LRP2: variants seen among roughly 807,000 people sequenced by gnomAD.
LRP2 encodes the protein LDL receptor related protein 2.
LRP2 carries 172 observed loss-of-function variants against 531.0 expected under a neutral mutation model. The observed-to-expected ratio is 0.32, with a 90% CI of 0.29 to 0.37. LRP2 has a LOEUF of 0.37. Ranked by LOEUF, LRP2 falls within the 10% of genes least tolerant of loss-of-function variation. The pLI is 1.00. For synonymous variants in LRP2, 1,992 were observed against 2,027.6 expected, an observed-to-expected ratio of 0.98 and a Z score of 0.47; for missense variants, 5,167 against 5,868.3, an observed-to-expected ratio of 0.88 and a Z score of 3.90.
chr2:169,261,789 C>T (rs887489095), intron 16 of LRP2, among the ~76,000 whole-genome samples: 1 of 152,014 alleles, frequency 6.6e-6, no homozygotes, highest in East Asian at 1.9e-4. Context: ...GAGACACAAC[C>T]AAAACAGAGC....
At chr2:169,294,010 T>C (rs1399384940) in intron 6 of LRP2, 138 bp downstream of exon 6, 1 of 706,678 alleles carries the variant, frequency 1.4e-6, no homozygotes, top group African/African-American at 1.8e-5. Context: ...TCTGATTCCA[T>C]CTGCCATCAA....
rs1335160686 is a variant in LRP2, at chr2:169,198,903, T to C, written c.8461A>G (p.Thr2821Ala). The change falls in exon 45 of 79, where the codon ACT becomes GCT. Residue 2821 changes from threonine (T) to alanine (A), a missense_variant. Transcript: ENST00000649046. ...TSDEKNCPDR[T>A]CQSGYTKCHN... ...CATTTTGTGTATCCAGACTGGCAAG[T>C]GCGATCAGCTTGAAAAAGACAACCA... 6.2e-7 allele frequency: 1 copy of C among 1,613,528 alleles called. No homozygotes were observed. The highest frequency in any genetic ancestry group is 1.1e-5 in the South Asian group (1 of 91,058).
Position 169,290,922 on chromosome 2 carries a change from A to G in LRP2, c.845T>C (p.Ile282Thr), listed in dbSNP as rs759395987. ...SCPESGRCIS[I>T]YKVCDGILDC... ...TAAAATCCCATCACAAACTTTATAA[A>G]TGGAGATGCATCGTCCCGACTCTGG... Residue 282 changes from isoleucine to threonine, a missense_variant, in exon 8 of 79, where the codon ATT becomes ACT. This residue lies in a region of LRP2 where 2,811 missense variants were observed against 3,058.0 expected (regional missense o/e 0.92). Coordinates refer to ENST00000649046, the MANE Select transcript of LRP2 (RefSeq NM_004525.3). The G allele has an allele frequency of 6.2e-7, 1 of 1,614,078 alleles. No individual in the cohort carries two copies. The highest frequency in any genetic ancestry group is 8.5e-7 in the Non-Finnish European group (1 of 1,180,000).
At chr2:169,237,363 T>C (rs567869739) in intron 27 of LRP2, 76 bp from the exon 28 acceptor site, 2 of 1,187,310 alleles carry the variant, frequency 1.7e-6, no homozygotes, top group East Asian at 4.9e-5. Flanking sequence ...TATAAAAATC[T>C]AGATTAAACC....
At chr2:169,330,453 A>T (rs1685235156) in intron 1 of LRP2, among the ~76,000 whole-genome samples, 1 of 152,160 alleles carries the variant, frequency 6.6e-6, no homozygotes, top group Non-Finnish European at 1.5e-5. Context: ...TTTAAACACT[A>T]GTCACCTGTC....
At chr2:169,233,719 T>C (rs1689498565) in intron 29 of LRP2, 131 bp from the exon 30 acceptor site, 1 of 879,778 alleles carries the variant, frequency 1.1e-6, no homozygotes, top group Non-Finnish European at 1.9e-6. Flanking sequence ...CACAAGGAAG[T>C]CATTGTGCAA....
Position 169,138,636 on chromosome 2 carries a change from T to C in LRP2, c.13459A>G (p.Met4487Val), listed in dbSNP as rs541246483. 16 of 1,614,024 alleles carry C rather than the reference T, an allele frequency of 9.9e-6. No individual in the cohort carries two copies. Among genetic ancestry groups the C allele is most frequent in the South Asian group, 1.1e-5 (1 of 91,074 alleles). Reference sequence around the variant, plus strand: ...CCAAAACCAGACACTCCAATATCCATGTTAAGATCTGCCCCTGATCTGAAG... The same window carrying C: ...CCAAAACCAGACACTCCAATATCCACGTTAAGATCTGCCCCTGATCTGAAG... Reference protein sequence around the residue: ...VTFRSGADLNMDIGVSGFGPE... With the variant: ...VTFRSGADLNVDIGVSGFGPE... Residue 4487 changes from methionine to valine, a missense_variant, in exon 75 of 79, where the codon ATG becomes GTG. This residue lies in a region of LRP2 where 348 missense variants were observed against 369.3 expected (regional missense o/e 0.94). Transcript: ENST00000649046.
At chr2:169,248,314 A>G (rs1690095118) in intron 19 of LRP2, among the ~76,000 whole-genome samples, 1 of 152,194 alleles carries the variant, frequency 6.6e-6, no homozygotes, top group South Asian at 2.1e-4. Flanking sequence ...TAACTAGAAA[A>G]CCCTAATTAA....
chr2:169,153,753 G>C (rs889448423), intron 66 of LRP2, among the ~76,000 whole-genome samples: 1 of 152,158 alleles, frequency 6.6e-6, no homozygotes, highest in Non-Finnish European at 1.5e-5. Context: ...TAAGTTTACA[G>C]GCACAGAAGA....
intron 41 of LRP2, 147 bp downstream of exon 41, chr2:169,205,331 TA>T: frequency 1.2e-6 from 1 of 843,510 alleles, no homozygotes; most frequent in African/African-American, 1.7e-5. Flanking sequence ...AGTTCCAATA[TA>T]AACATAGTTC....
chr2:169,299,422 T>C (rs1421765315), intron 4 of LRP2, among the ~76,000 whole-genome samples: 1 of 151,904 alleles, frequency 6.6e-6, no homozygotes, highest in African/African-American at 2.4e-5. Context: ...CAACTAGAAA[T>C]GTGCCTGAGA....
chr2:169,164,293 G>A (rs930394290), intron 62 of LRP2, among the ~76,000 whole-genome samples: 12 of 152,222 alleles, frequency 7.9e-5, no homozygotes, highest in Non-Finnish European at 1.5e-4. Flanking sequence ...AACCACATCT[G>A]GAACTGATTG....
intron 13 of LRP2, among the ~76,000 whole-genome samples, chr2:169,276,957 G>A (rs1008784063): frequency 2.6e-5 from 4 of 152,018 alleles, no homozygotes; most frequent in African/African-American, 7.2e-5. Context: ...TACTTTGGGA[G>A]GCTGAGGCAG....
intron 1 of LRP2, among the ~76,000 whole-genome samples, chr2:169,325,270 A>C (rs1272083184): frequency 6.6e-6 from 1 of 152,184 alleles, no homozygotes; most frequent in Non-Finnish European, 1.5e-5. Context: ...CTCTTAACAC[A>C]TGCTGGTCCT....
At chr2:169,228,937 G>A (rs891718014) in intron 31 of LRP2, among the ~76,000 whole-genome samples, 3 of 152,158 alleles carry the variant, frequency 2.0e-5, no homozygotes, top group Admixed American at 6.5e-5. Context: ...GGAGCAAACG[G>A]GTAAAAATCA....
intron 1 of LRP2, among the ~76,000 whole-genome samples, chr2:169,322,755 TA>T (rs574842177): frequency 1.4e-3 from 208 of 152,308 alleles, no homozygotes; most frequent in African/African-American, 4.9e-3. Context: ...TCTGAGGTTG[TA>T]AAGGTAGTAT....
At position 169,127,133 on chromosome 2, in the gene LRP2, A is replaced by T. The variant is rs2105319771; in HGVS notation, c.*1530T>A. 6.5e-6 allele frequency: 1 copy of T among 152,770 alleles called. No individual in the cohort carries two copies. The allele number at this position is 152,770 out of a possible 1,614,324, so 9.5% of individuals were successfully genotyped here. A position where few individuals can be genotyped will look rare whatever the true frequency, so the allele number is the denominator to read the frequency against. On this transcript the variant is annotated 3_prime_UTR_variant, in exon 79 of 79. Coordinates refer to ENST00000649046, the MANE Select transcript of LRP2 (RefSeq NM_004525.3). ...ATCTGATAAAATACACATTTATTAG[A>T]ACTTTTTCAGCAGCATTATTTCCAG...
intron 76 of LRP2, among the ~76,000 whole-genome samples, chr2:169,133,663 A>G (rs368939411): frequency 4.6e-5 from 7 of 152,342 alleles, no homozygotes; most frequent in African/African-American, 7.2e-5. Context: ...AAGGAGATAC[A>G]TGTTCGCAGT....
intron 1 of LRP2, among the ~76,000 whole-genome samples, chr2:169,338,291 A>AGAGG (rs1553515969): frequency 1.4e-5 from 2 of 143,984 alleles, no homozygotes; most frequent in African/African-American, 5.3e-5. Context: ...AAGAAAGAAA[A>AGAGG]AAGGAAGGAA....
Sources: gnomAD v4.1 joint callset for allele counts (sites outside exome capture counted in the v4.1 genomes callset) on GRCh38, gnomAD v4.1.1 for gene constraint, gnomAD v4.1.1 regional missense constraint, MANE v1.5 for transcripts, NCBI Gene and HGNC (gene_info 2026-07-23, HGNC 2026-07-21) for gene names.